PDLIM7: variants seen among roughly 807,000 people sequenced by gnomAD.
PDLIM7 encodes the protein PDZ and LIM domain protein 7.
PDLIM7 carries 37 observed loss-of-function variants against 53.9 expected under a neutral mutation model. The ratio of observed to expected loss-of-function variants is 0.69; its 90% CI spans 0.53 to 0.90. The LOEUF (loss-of-function observed/expected upper bound fraction) is 0.90, where lower values mean the gene tolerates loss of function less well. Ranked by LOEUF, PDLIM7 falls within the 40% of genes least tolerant of loss-of-function variation. The pLI is 0.00. For missense variants in PDLIM7, 617 were observed against 638.5 expected (o/e 0.97, Z 0.36); for synonymous variants, 300 against 261.3 (o/e 1.15, Z -1.43).
At chr5:177,491,502 G>C in intron 5 of PDLIM7, 4 of 1,118,826 alleles carry the variant, frequency 3.6e-6, no homozygotes, top group Non-Finnish European at 5.3e-6. Flanking sequence ...GGAGGGGTCA[G>C]AACAGCCGGG....
At chr5:177,495,320 T>G (rs1759013858) in intron 2 of PDLIM7, among the ~76,000 whole-genome samples, 1 of 152,100 alleles carries the variant, frequency 6.6e-6, no homozygotes. Context: ...GACTCCAGCT[T>G]GAGCCCCTCC....
chr5:177,487,429 C>T (rs926859056), intron 10 of PDLIM7, among the ~76,000 whole-genome samples: 1 of 152,232 alleles, frequency 6.6e-6, no homozygotes, highest in Admixed American at 6.5e-5. Context: ...CCCCTTTCTT[C>T]TCCTTCCGAC....
chr5:177,489,566 C>T lies in PDLIM7; in HGVS notation c.696G>A (p.Glu232=), dbSNP rs1358375762. The change falls in exon 9 of 13, where the codon GAG becomes GAA. Residue 232 remains glutamate, a synonymous_variant. Coordinates refer to ENST00000355841, the MANE Select transcript of PDLIM7 (RefSeq NM_005451.5). ...PPWAVDPAFA[E]RYAPDKTSTV... is the part of the protein sequence containing the mutation. ...TGCTCGTTTTGTCCGGGGCATAGCG[C>T]TCGGCAAACGCAGGGTCCACAGCCC... 1 of 1,610,606 alleles carries T rather than the reference C, an allele frequency of 6.2e-7. No homozygotes were observed. The highest frequency in any genetic ancestry group is 1.7e-5 in the Admixed American group (1 of 59,766).
In PDLIM7 at chr5:177,484,234, G is replaced by A. The variant is rs752189193; in HGVS notation, c.1051-44C>T. ...CACTCGGCAGGCTCAGGCCCCTCCT[G>A]CCCTGCCCTGGGTCACGGGAACACA... On this transcript the variant is annotated intron_variant, in intron 10 of 12. Transcript: ENST00000355841. The A allele has an allele frequency of 4.4e-6, 7 of 1,604,628 alleles. No individual in the cohort carries two copies. In the East Asian group the frequency reaches 1.3e-4, roughly 31 times the overall value.
At chr5:177,497,436 T>A (rs1346153937) in intron 1 of PDLIM7, 92 bp downstream of exon 1, 1 of 152,194 alleles carries the variant, frequency 6.6e-6, no homozygotes, top group Non-Finnish European at 1.5e-5. Context: ...AAGCACAGCC[T>A]GGACCACGAC....
chr5:177,490,052 C>G (rs1436577771), intron 7 of PDLIM7: 157 of 1,532,102 alleles, frequency 1.0e-4, no homozygotes, highest in Non-Finnish European at 1.4e-4. Context: ...AGGCAGGGCT[C>G]CCGCTTCTGA....
chr5:177,486,936 T>A (rs1758492471), intron 10 of PDLIM7, among the ~76,000 whole-genome samples: 1 of 12,800 alleles, frequency 7.8e-5, no homozygotes, highest in Non-Finnish European at 2.3e-4. Flanking sequence ...TGGCCCTTTT[T>A]TTTTTTTTTT....
chr5:177,490,332 A>C (rs1758683117), intron 7 of PDLIM7: 2 of 1,448,336 alleles, frequency 1.4e-6, no homozygotes, highest in South Asian at 2.9e-5. Flanking sequence ...AGGCAGTGTC[A>C]GATGAACCCA....
intron 5 of PDLIM7, 68 bp downstream of exon 5, chr5:177,491,739 G>C (rs1158388266): frequency 2.6e-6 from 2 of 780,026 alleles, no homozygotes; most frequent in African/African-American, 3.7e-5. Flanking sequence ...CTGAGCAGCA[G>C]CGGGCAGCGG....
rs779085494 is a variant in PDLIM7, at chr5:177,491,377, G to A, written c.399-231C>T. The A allele has an allele frequency of 2.6e-6, 4 of 1,552,204 alleles. No homozygotes were observed. In the South Asian group the frequency reaches 3.6e-5, roughly 14 times the overall value. On this transcript the variant is annotated intron_variant, in intron 5 of 12. Transcript: ENST00000355841. ...CCAGAGTGCCAAAAGGAAGAAGAAA[G>A]GCACAGGCAGAGGGGGGCTCACTGA...
intron 1 of PDLIM7, among the ~76,000 whole-genome samples, 178 bp downstream of exon 1, chr5:177,497,350 T>G (rs1365199543): frequency 4.0e-5 from 6 of 151,512 alleles, no homozygotes; most frequent in Non-Finnish European, 8.8e-5. Context: ...CAGGCGCCAA[T>G]CGGCCCCGCC....
rs1382709920 is a variant in PDLIM7 at position 177,489,419 on chromosome 5, C to A, written c.843G>T (p.Val281=). Residue 281 remains valine (V), a synonymous_variant, in exon 9 of 13, where the codon GTG becomes GTT. Transcript: ENST00000355841. The stretch of plus-strand genomic sequence containing the variant: ...GGATGACCTTGTGGCACTGGTGACA[C>A]ACGGGAGTCTTGCCGTTGTTGCTGC... ...GGGSNNGKTP[V]CHQCHKVIRG... 6.3e-7 allele frequency: 1 copy of A among 1,595,968 alleles called. No homozygotes were observed. Among genetic ancestry groups the A allele is most frequent in the Non-Finnish European group, 8.5e-7 (1 of 1,171,516 alleles).
intron 9 of PDLIM7, among the ~76,000 whole-genome samples, chr5:177,489,021 G>C (rs1758601722): frequency 6.6e-6 from 1 of 152,242 alleles, no homozygotes; most frequent in African/African-American, 2.4e-5. Flanking sequence ...GTGCACAGAG[G>C]GAGTGGCTCC....
chr5:177,486,389 A>G (rs1187440251), intron 10 of PDLIM7, among the ~76,000 whole-genome samples: 2 of 152,102 alleles, frequency 1.3e-5, no homozygotes, highest in Non-Finnish European at 2.9e-5. Context: ...CGGCCCTAGC[A>G]TAGTGCCACC....
rs770076836 is a variant in PDLIM7 at position 177,488,073 on chromosome 5, T to TA, written c.1044dup (p.Thr349TyrfsTer45). 1 of 1,596,398 alleles carries TA rather than the reference T, an allele frequency of 6.3e-7. No homozygotes were observed. The highest frequency in any genetic ancestry group is 8.5e-7 in the Non-Finnish European group (1 of 1,170,536). ...CGCCAGCCAGCCCTACTCACGCCTG[T>TA]AATCTTCTTCTTGCACTTGGCACAG... On this transcript the variant is annotated frameshift_variant, in exon 10 of 13. Coordinates refer to ENST00000355841, the MANE Select transcript of PDLIM7 (RefSeq NM_005451.5). LOFTEE classifies it high-confidence loss of function.
intron 4 of PDLIM7, 179 bp downstream of exon 4, chr5:177,492,226 C>A (rs1758834429): frequency 1.4e-6 from 1 of 740,392 alleles, no homozygotes; most frequent in African/African-American, 1.8e-5. Flanking sequence ...ATGCGTGGTG[C>A]CAGGACCGTG....
Position 177,489,880 on chromosome 5 carries a change from T to C in PDLIM7, c.573-48A>G, listed in dbSNP as rs767123464. On this transcript the variant is annotated intron_variant, in intron 7 of 12. Coordinates refer to ENST00000355841, the MANE Select transcript of PDLIM7 (RefSeq NM_005451.5). The stretch of plus-strand genomic sequence containing the variant: ...CCCTGCATGGCTGAGCTTCCTGACA[T>C]GGCCCCACCCCCCAACCTGGGTCCT... 40 of 1,551,276 alleles carry C rather than the reference T, an allele frequency of 2.6e-5. No individual in the cohort carries two copies. The East Asian group carries it at 3.6e-4, about 14-fold the overall frequency.
At chr5:177,488,751 A>G (rs1030770931) in intron 9 of PDLIM7, among the ~76,000 whole-genome samples, 4 of 152,136 alleles carry the variant, frequency 2.6e-5, no homozygotes, top group South Asian at 2.1e-4. Flanking sequence ...TTAGCCAGGC[A>G]TGGTGGCGGG....
intron 9 of PDLIM7, among the ~76,000 whole-genome samples, chr5:177,488,453 G>A (rs1342196435): frequency 6.6e-6 from 1 of 152,208 alleles, no homozygotes; most frequent in Non-Finnish European, 1.5e-5. Flanking sequence ...CTGAACTGCT[G>A]GTGACAGGAG....
Sources: allele counts gnomAD v4.1 joint callset (sites outside exome capture counted in the v4.1 genomes callset), GRCh38; gene constraint gnomAD v4.1.1; transcripts MANE v1.5; gene names NCBI Gene and HGNC (gene_info 2026-07-23, HGNC 2026-07-21).